CFAP47: variants seen among roughly 807,000 people sequenced by gnomAD.
CFAP47 encodes cilia and flagella associated protein 47, also known as cilia- and flagella-associated protein 47.
CFAP47 carries 29 observed loss-of-function variants against 148.1 expected under a neutral mutation model. The ratio of observed to expected loss-of-function variants is 0.20; its 90% CI spans 0.15 to 0.27. The LOEUF (loss-of-function observed/expected upper bound fraction) is 0.27. Among genes scored for constraint, CFAP47 ranks in the 10% least tolerant of loss-of-function variants. The pLI, the probability that CFAP47 is intolerant of heterozygous loss-of-function variation, is 1.00. For synonymous variants in CFAP47, 664 were observed against 577.3 expected (o/e 1.15, Z -2.15); for missense variants, 1,872 against 1,697.5 (o/e 1.10, Z -1.81).
At chrX:36,111,779 T>C (rs1280328596) in intron 33 of CFAP47, among the ~76,000 whole-genome samples, 1 of 111,493 alleles carries the variant, frequency 9.0e-6, no homozygotes, top group African/African-American at 3.3e-5. Flanking sequence ...TCTGATTCAG[T>C]TTTGGAGCTC....
chrX:36,304,420 T>G (rs1196391242), intron 54 of CFAP47, among the ~76,000 whole-genome samples: 3 of 110,756 alleles, frequency 2.7e-5, no homozygotes, highest in Admixed American at 1.9e-4. Flanking sequence ...TTTTCTTTTA[T>G]ATACTTCTCC....
intron 22 of CFAP47, among the ~76,000 whole-genome samples, chrX:36,027,107 T>C: frequency 9.6e-6 from 1 of 104,208 alleles, no homozygotes; most frequent in East Asian, 3.0e-4. Flanking sequence ...TGATTATATA[T>C]ATGTGATTAT....
At chrX:36,150,547 C>G (rs1939295879) in intron 37 of CFAP47, among the ~76,000 whole-genome samples, 2 of 111,750 alleles carry the variant, frequency 1.8e-5, no homozygotes, top group Non-Finnish European at 3.8e-5. Flanking sequence ...TGGATTTTAA[C>G]TATACATTAA....
At chrX:36,145,721 T>C (rs1939223832) in intron 36 of CFAP47, among the ~76,000 whole-genome samples, 1 of 111,478 alleles carries the variant, frequency 9.0e-6, no homozygotes, top group Non-Finnish European at 1.9e-5. Context: ...GGAAGGAGGA[T>C]AATTTTATAT....
intron 57 of CFAP47, among the ~76,000 whole-genome samples, chrX:36,336,980 ACC>A (rs1941611520): frequency 8.9e-6 from 1 of 111,888 alleles, no homozygotes; most frequent in Non-Finnish European, 1.9e-5. Context: ...TTTAAAATAA[ACC>A]TTCTTCCCTA....
At chrX:36,323,817 C>A (rs1424667760) in intron 57 of CFAP47, among the ~76,000 whole-genome samples, 4 of 111,253 alleles carry the variant, frequency 3.6e-5, no homozygotes, top group African/African-American at 1.3e-4. Flanking sequence ...ATATGTTGAC[C>A]TAGATTGGAG....
chrX:36,286,565 G>C (rs1042995719), intron 51 of CFAP47, among the ~76,000 whole-genome samples: 2 of 111,427 alleles, frequency 1.8e-5, no homozygotes, highest in Non-Finnish European at 3.8e-5. Flanking sequence ...GATTGCAAAA[G>C]CATTATCTTC....
intron 51 of CFAP47, among the ~76,000 whole-genome samples, chrX:36,295,358 C>T (rs1432636937): frequency 8.9e-6 from 1 of 112,113 alleles, no homozygotes; most frequent in Non-Finnish European, 1.9e-5. Context: ...GTTTTTATAG[C>T]GTATTCACAG....
chrX:35,999,937 C>T (rs900947368), intron 19 of CFAP47, among the ~76,000 whole-genome samples: 3 of 111,090 alleles, frequency 2.7e-5, no homozygotes, highest in Non-Finnish European at 3.8e-5. Context: ...AAACAAGAAG[C>T]GATATGATCA....
At chrX:35,931,112 A>G (rs1305217507) in intron 2 of CFAP47, among the ~76,000 whole-genome samples, 1 of 111,194 alleles carries the variant, frequency 9.0e-6, no homozygotes, top group Non-Finnish European at 1.9e-5. Context: ...ACAAATTTTT[A>G]TATATTTTTA....
At chrX:36,377,886 A>T (rs1942039222) in intron 62 of CFAP47, among the ~76,000 whole-genome samples, 1 of 112,356 alleles carries the variant, frequency 8.9e-6, no homozygotes, top group African/African-American at 3.2e-5. Context: ...AATTTAACAG[A>T]TGTCAACACT....
chrX:36,364,261 G>T (rs781911063), intron 61 of CFAP47, among the ~76,000 whole-genome samples: 1 of 110,415 alleles, frequency 9.1e-6, no homozygotes, highest in Non-Finnish European at 1.9e-5. Flanking sequence ...CAAAGAAGTC[G>T]CTCACAGAAT....
intron 8 of CFAP47, among the ~76,000 whole-genome samples, chrX:35,961,757 C>T (rs1601902762): frequency 9.0e-6 from 1 of 110,516 alleles, no homozygotes; most frequent in Non-Finnish European, 1.9e-5. Flanking sequence ...TGTTGTTAAT[C>T]ATTTCAAAGA....
chrX:36,062,398 G>T (rs1165997145), intron 26 of CFAP47, among the ~76,000 whole-genome samples: 1 of 111,302 alleles, frequency 9.0e-6, no homozygotes, highest in Non-Finnish European at 1.9e-5. Context: ...CCTAAAAATT[G>T]CTCAGACAAC....
chrX:36,337,479 G>T (rs1347530526), intron 57 of CFAP47, among the ~76,000 whole-genome samples: 2 of 111,459 alleles, frequency 1.8e-5, no homozygotes, highest in Non-Finnish European at 3.8e-5. Flanking sequence ...AGAGAAATAG[G>T]TAAAATGTGT....
chrX:35,951,516 A>C (rs369263553), intron 5 of CFAP47, among the ~76,000 whole-genome samples, 157 bp downstream of exon 5: 6 of 112,194 alleles, frequency 5.3e-5, no homozygotes, highest in African/African-American at 1.9e-4. Context: ...ACCTCAAAAA[A>C]TTCAGAAATT....
At position 36,138,330 on chromosome X, in the gene CFAP47, ATTTT is replaced by A; in HGVS notation, c.5419-8_5419-5del. On this transcript the variant is annotated splice_polypyrimidine_tract_variant and intron_variant, in intron 34 of 63. Coordinates refer to ENST00000378653, the MANE Select transcript of CFAP47 (RefSeq NM_001304548.2). ...TTTTATTCCATTACCAAAAGGTTTG[ATTTT>A]TTTTTTTTTACAGATTGAGTCTCAT... 1.1e-6 allele frequency: 1 copy of A among 871,605 alleles called. No individual in the cohort carries two copies. The highest frequency in any genetic ancestry group is 3.1e-5 in the South Asian group (1 of 32,145). 71.8% of individuals were successfully genotyped at this position (871,605 alleles called of 1,213,427 possible). A position where few individuals can be genotyped will look rare whatever the true frequency, so the allele number is the denominator to read the frequency against.
chrX:35,926,348 T>A (rs60125526), intron 2 of CFAP47, among the ~76,000 whole-genome samples, 180 bp downstream of exon 2: 4,355 of 112,195 alleles, frequency 0.039, 200 homozygotes, highest in African/African-American at 0.13. Flanking sequence ...TATTTTTATT[T>A]AAAAAACGAC....
At chrX:36,147,983 A>T (rs1473694061) in intron 36 of CFAP47, among the ~76,000 whole-genome samples, 1 of 111,746 alleles carries the variant, frequency 8.9e-6, no homozygotes, top group East Asian at 2.8e-4. Context: ...AATAAAAAAA[A>T]ATATTCATGA....
Sources: allele counts gnomAD v4.1 joint callset (sites outside exome capture counted in the v4.1 genomes callset), GRCh38; gene constraint gnomAD v4.1.1; transcripts MANE v1.5; gene names NCBI Gene and HGNC (gene_info 2026-07-23, HGNC 2026-07-21).